UVRAG: variants seen among roughly 807,000 people sequenced by gnomAD.
UVRAG encodes the protein UV radiation resistance-associated gene protein.
A neutral mutation model predicts 78.0 loss-of-function variants in UVRAG; 19 were observed. The ratio of observed to expected loss-of-function variants is 0.24; its 90% CI spans 0.17 to 0.36. The LOEUF is 0.36. Ranked by LOEUF, UVRAG falls within the 10% of genes least tolerant of loss-of-function variation. The pLI is 1.00. For synonymous variants in UVRAG, 323 were observed against 324.6 expected (o/e 1.00, Z 0.05); for missense variants, 740 against 853.8 (o/e 0.87, Z 1.66).
intron 5 of UVRAG, among the ~76,000 whole-genome samples, chr11:75,893,585 T>C (rs1291763876): frequency 6.7e-6 from 1 of 150,158 alleles, no homozygotes; most frequent in Non-Finnish European, 1.5e-5. Flanking sequence ...CGCTGTTAAT[T>C]ATTAATTGTT....
At chr11:75,855,339 C>A (rs1946264681) in intron 2 of UVRAG, among the ~76,000 whole-genome samples, 1 of 152,210 alleles carries the variant, frequency 6.6e-6, no homozygotes, top group African/African-American at 2.4e-5. Context: ...TTGAATCTGG[C>A]ACTAGCTGTC....
At chr11:76,016,506 C>T (rs1390726962) in intron 11 of UVRAG, among the ~76,000 whole-genome samples, 1 of 152,070 alleles carries the variant, frequency 6.6e-6, no homozygotes, top group African/African-American at 2.4e-5. Context: ...TTAATTCATC[C>T]TGTAAAAATG....
intron 13 of UVRAG, among the ~76,000 whole-genome samples, chr11:76,106,583 G>A (rs543252672): frequency 2.7e-4 from 41 of 152,150 alleles, no homozygotes; most frequent in Non-Finnish European, 5.4e-4. Flanking sequence ...GGCCAGGCTG[G>A]TCTCGAACTC....
chr11:76,139,792 T>G lies in UVRAG; in HGVS notation c.1398-919T>G, dbSNP rs117223293. Among the ~76,000 whole-genome samples the G allele has an allele frequency of 4.8e-4, 73 of 152,272 alleles. 1 individual carries two copies. In the East Asian group the frequency reaches 0.013, roughly 27 times the overall value. Reference sequence around the variant, plus strand: ...TTCTCTATAGGGTTTTTGTAAAGACTAAGTGAAATGATGTATAGGAAATTA... The same window carrying G: ...TTCTCTATAGGGTTTTTGTAAAGACGAAGTGAAATGATGTATAGGAAATTA... On this transcript the variant is annotated intron_variant, in intron 14 of 14. Transcript: ENST00000356136.
At chr11:75,890,180 G>A (rs544145899) in intron 5 of UVRAG, among the ~76,000 whole-genome samples, 4 of 152,282 alleles carry the variant, frequency 2.6e-5, no homozygotes, top group African/African-American at 9.6e-5. Flanking sequence ...CTAAGAACAG[G>A]GGTCTTTGTG....
intron 6 of UVRAG, chr11:75,916,740 T>A (rs1223416297): frequency 1.3e-5 from 2 of 152,178 alleles, no homozygotes; most frequent in Non-Finnish European, 2.9e-5. Context: ...TCAAGGATAG[T>A]TTGGTAGGCA....
At chr11:76,004,407 G>T (rs896329702) in intron 9 of UVRAG, among the ~76,000 whole-genome samples, 1 of 151,258 alleles carries the variant, frequency 6.6e-6, no homozygotes, top group Non-Finnish European at 1.5e-5. Context: ...TAGCTTATAG[G>T]TTTTTTTTCA....
chr11:75,968,181 G>A (rs193042150), intron 7 of UVRAG, among the ~76,000 whole-genome samples: 35 of 152,280 alleles, frequency 2.3e-4, no homozygotes, highest in African/African-American at 7.9e-4. Flanking sequence ...TTATACGTTA[G>A]TCATCTTTCT....
intron 1 of UVRAG, among the ~76,000 whole-genome samples, chr11:75,820,314 G>A (rs1050045772): frequency 2.6e-5 from 4 of 151,578 alleles, no homozygotes; most frequent in Admixed American, 2.6e-4. Flanking sequence ...TGAGAAGATA[G>A]TACAGAAAGT....
chr11:75,912,688 T>C (rs930090262), intron 6 of UVRAG, among the ~76,000 whole-genome samples: 2 of 152,234 alleles, frequency 1.3e-5, no homozygotes, highest in African/African-American at 4.8e-5. Flanking sequence ...CTCAGACAGA[T>C]TGTTCATTGA....
intron 8 of UVRAG, among the ~76,000 whole-genome samples, chr11:75,991,578 C>T (rs950437788): frequency 5.9e-5 from 9 of 152,032 alleles, no homozygotes; most frequent in Non-Finnish European, 8.8e-5. Flanking sequence ...GATTAAGTAA[C>T]TTACTTAAAT....
At chr11:76,128,195 A>T (rs1361569358) in intron 14 of UVRAG, among the ~76,000 whole-genome samples, 2 of 152,164 alleles carry the variant, frequency 1.3e-5, no homozygotes, top group East Asian at 3.8e-4. Flanking sequence ...GTTACCCCTG[A>T]GCTCCGCCTC....
At chr11:75,911,850 T>C (rs1947747152) in intron 5 of UVRAG, 104 bp from the exon 6 acceptor site, 3 of 734,776 alleles carry the variant, frequency 4.1e-6, no homozygotes, top group African/African-American at 1.8e-5. Flanking sequence ...TTAGATTTAC[T>C]CAGTTGTTAA....
At chr11:75,942,241 A>G (rs1948498469) in intron 6 of UVRAG, 1 of 153,186 alleles carries the variant, frequency 6.5e-6, no homozygotes, top group Admixed American at 6.6e-5. Context: ...TCAAAGAGGA[A>G]CTTGAATAAT....
intron 14 of UVRAG, among the ~76,000 whole-genome samples, chr11:76,129,952 T>TTC (rs1186467694): frequency 6.6e-6 from 1 of 151,042 alleles, no homozygotes; most frequent in Non-Finnish European, 1.5e-5. Context: ...CTCTCTCGCT[T>TTC]TCTCTCTCTC....
At chr11:76,130,937 T>TTGTTTG (rs573550905) in intron 14 of UVRAG, among the ~76,000 whole-genome samples, 241 of 138,720 alleles carry the variant, frequency 1.7e-3, no homozygotes, top group African/African-American at 6.4e-3. Context: ...GTTTTTTTGT[T>TTGTTTG]TTTTTTTTTC....
intron 12 of UVRAG, 102 bp downstream of exon 12, chr11:76,017,082 T>C: frequency 2.4e-6 from 2 of 832,566 alleles, no homozygotes; most frequent in Non-Finnish European, 3.4e-6. Context: ...TGACAACTTT[T>C]ATATAACCTT....
chr11:76,100,630 TA>T (rs1446846521), intron 13 of UVRAG, among the ~76,000 whole-genome samples: 2 of 152,280 alleles, frequency 1.3e-5, no homozygotes, highest in East Asian at 3.9e-4. Flanking sequence ...AAAAAACGTT[TA>T]GGGGTACATG....
chr11:75,980,682 A>ATTT (rs35190339), intron 7 of UVRAG, among the ~76,000 whole-genome samples: 114 of 139,156 alleles, frequency 8.2e-4, no homozygotes, highest in African/African-American at 2.6e-3. Context: ...TCTGGCTAGA[A>ATTT]TTTTTTTTTT....
Sources: gnomAD v4.1 joint callset for allele counts (sites outside exome capture counted in the v4.1 genomes callset) on GRCh38, gnomAD v4.1.1 for gene constraint, MANE v1.5 for transcripts, NCBI Gene and HGNC (gene_info 2026-07-23, HGNC 2026-07-21) for gene names.